Variants in MACROD2 observed in about 807,000 individuals in gnomAD.
MACROD2 encodes the protein mono-ADP ribosylhydrolase 2.
Under a neutral mutation model 70.4 loss-of-function variants are expected in MACROD2, and 36 were observed. The observed-to-expected ratio is 0.51, with a 90% CI of 0.39 to 0.68. The LOEUF is 0.68. Among genes scored for constraint, MACROD2 ranks in the 30% least tolerant of loss-of-function variants. The probability of loss-of-function intolerance (pLI) is 0.00; values close to 1 mark genes in which losing one functional copy is unlikely to be tolerated. For missense variants in MACROD2, 496 were observed against 538.4 expected, an observed-to-expected ratio of 0.92 and a Z score of 0.78; for synonymous variants, 172 against 178.8, an observed-to-expected ratio of 0.96 and a Z score of 0.30.
intron 8 of MACROD2, among the ~76,000 whole-genome samples, chr20:15,540,110 G>T (rs972381427): frequency 6.6e-6 from 1 of 152,226 alleles, no homozygotes; most frequent in African/African-American, 2.4e-5. Context: ...GTAGGTAAAG[G>T]TATAGGGATG....
chr20:15,593,851 G>A (rs1411204321), intron 8 of MACROD2, among the ~76,000 whole-genome samples: 1 of 152,156 alleles, frequency 6.6e-6, no homozygotes, highest in East Asian at 1.9e-4. Flanking sequence ...ACAATAAGAG[G>A]CATCTGGCAT....
At chr20:14,352,470 A>G (rs937296723) in intron 3 of MACROD2, 8 of 152,172 alleles carry the variant, frequency 5.3e-5, no homozygotes, top group South Asian at 2.1e-4. Flanking sequence ...CTTATTATGT[A>G]TATTTATTAG....
chr20:14,042,162 C>A (rs551052392), intron 2 of MACROD2, among the ~76,000 whole-genome samples: 27 of 152,160 alleles, frequency 1.8e-4, no homozygotes, highest in Admixed American at 1.1e-3. Context: ...AAATTCTTGA[C>A]AATTAAAAAT....
chr20:14,838,011 G>T (rs988861426), intron 5 of MACROD2, among the ~76,000 whole-genome samples: 1 of 151,904 alleles, frequency 6.6e-6, no homozygotes, highest in Non-Finnish European at 1.5e-5. Flanking sequence ...CTGAAAAAGT[G>T]TTAAGTCCAT....
At chr20:14,945,973 C>T (rs1483285502) in intron 5 of MACROD2, among the ~76,000 whole-genome samples, 2 of 151,952 alleles carry the variant, frequency 1.3e-5, no homozygotes, top group East Asian at 1.9e-4. Context: ...TTTGGGAGGC[C>T]GAGGTGGGTG....
intron 5 of MACROD2, among the ~76,000 whole-genome samples, chr20:15,171,733 C>T (rs1156421403): frequency 2.0e-5 from 3 of 152,152 alleles, no homozygotes; most frequent in Non-Finnish European, 4.4e-5. Context: ...ATATGTTCTC[C>T]TCCTTCTATC....
intron 5 of MACROD2, among the ~76,000 whole-genome samples, chr20:15,108,599 C>G (rs968862130): frequency 1.3e-5 from 2 of 152,168 alleles, no homozygotes; most frequent in Non-Finnish European, 2.9e-5. Context: ...TAATCTAGTT[C>G]AGAGTTTTTA....
chr20:14,674,355 ATGAATTCT>A lies in MACROD2; in HGVS notation c.302-10486_302-10479del, dbSNP rs532681148. 2.0e-5 allele frequency among the ~76,000 whole-genome samples: 3 copies of A among 152,286 alleles called. No individual in the cohort carries two copies. The East Asian group carries it at 5.8e-4, about 29-fold the overall frequency. ...GTTTATTTATTAAGTAGTGATCCTA[ATGAATTCT>A]TCCTTTCAAAATTTTTATCATGATT... On this transcript the variant is annotated intron_variant, in intron 4 of 17. Coordinates refer to ENST00000684519, the MANE Select transcript of MACROD2 (RefSeq NM_001351661.2).
intron 5 of MACROD2, among the ~76,000 whole-genome samples, chr20:14,970,608 G>T (rs1225348305): frequency 1.3e-5 from 2 of 151,904 alleles, no homozygotes; most frequent in African/African-American, 4.8e-5. Context: ...TATTTTTAAT[G>T]CAATTTATTT....
chr20:14,370,286 T>C (rs1027324058), intron 3 of MACROD2, among the ~76,000 whole-genome samples: 6 of 152,138 alleles, frequency 3.9e-5, no homozygotes, highest in Non-Finnish European at 7.4e-5. Context: ...AAGCATGTTC[T>C]CATTAATAAA....
intron 5 of MACROD2, among the ~76,000 whole-genome samples, chr20:14,980,151 G>C (rs1271144681): frequency 6.6e-6 from 1 of 152,116 alleles, no homozygotes; most frequent in African/African-American, 2.4e-5. Context: ...ATTTCATCCT[G>C]AAGGTGGAAG....
chr20:14,557,939 A>C (rs1225784025), intron 4 of MACROD2, among the ~76,000 whole-genome samples: 1 of 151,874 alleles, frequency 6.6e-6, no homozygotes, highest in Non-Finnish European at 1.5e-5. Flanking sequence ...TACCAGTGTT[A>C]TTCATAATAG....
At chr20:14,574,349 C>T (rs1980424135) in intron 4 of MACROD2, among the ~76,000 whole-genome samples, 1 of 152,140 alleles carries the variant, frequency 6.6e-6, no homozygotes, top group Admixed American at 6.5e-5. Flanking sequence ...AGCTGCATCT[C>T]AAATCAAACC....
At chr20:15,787,717 CT>C (rs1459321426) in intron 8 of MACROD2, among the ~76,000 whole-genome samples, 1 of 151,932 alleles carries the variant, frequency 6.6e-6, no homozygotes, top group Non-Finnish European at 1.5e-5. Context: ...TAAAAATCTT[CT>C]TTTTTAAAAA....
At chr20:15,025,393 C>T (rs1051520963) in intron 5 of MACROD2, among the ~76,000 whole-genome samples, 20 of 151,458 alleles carry the variant, frequency 1.3e-4, no homozygotes, top group Non-Finnish European at 1.8e-4. Flanking sequence ...TGGCCAGACC[C>T]GGAAGCCTGG....
intron 8 of MACROD2, among the ~76,000 whole-genome samples, chr20:15,732,159 G>A (rs984294833): frequency 1.3e-5 from 2 of 151,688 alleles, no homozygotes; most frequent in African/African-American, 2.4e-5. Flanking sequence ...CAATGGCAGC[G>A]GAGGGTTGAG....
intron 8 of MACROD2, among the ~76,000 whole-genome samples, chr20:15,537,503 T>C: frequency 7.3e-6 from 1 of 137,278 alleles, no homozygotes; most frequent in East Asian, 2.1e-4. Flanking sequence ...AGAGGGAGTG[T>C]CACTCTGTTG....
intron 5 of MACROD2, among the ~76,000 whole-genome samples, chr20:14,748,770 C>G (rs182428798): frequency 1.1e-3 from 169 of 152,116 alleles, no homozygotes; most frequent in Non-Finnish European, 2.1e-3. Flanking sequence ...TGGAGAGCTG[C>G]CCTTGGCTTG....
intron 5 of MACROD2, among the ~76,000 whole-genome samples, chr20:15,210,487 TACTA>T (rs989191761): frequency 3.8e-4 from 58 of 152,140 alleles, no homozygotes; most frequent in Middle Eastern, 3.4e-3. Context: ...ATCCACCATC[TACTA>T]ACTGTCATGC....
Sources: allele counts gnomAD v4.1 joint callset (sites outside exome capture counted in the v4.1 genomes callset), GRCh38; gene constraint gnomAD v4.1.1; transcripts MANE v1.5; gene names NCBI Gene and HGNC (gene_info 2026-07-23, HGNC 2026-07-21).